CCDC171: variants seen among roughly 807,000 people sequenced by gnomAD.
The protein encoded by CCDC171 is coiled-coil domain containing 171.
CCDC171 carries 177 observed loss-of-function variants against 168.2 expected under a neutral mutation model. The ratio of observed to expected loss-of-function variants is 1.05; its 90% CI spans 0.93 to 1.19. CCDC171 has a LOEUF of 1.19. Among genes scored for constraint, CCDC171 ranks in the 50% most tolerant of loss-of-function variants. CCDC171 has a pLI of 0.00. For synonymous variants in CCDC171, 687 were observed against 540.8 expected (o/e 1.27, Z -3.75); for missense variants, 1,991 against 1,539.0 (o/e 1.29, Z -4.91).
At chr9:15,732,422 C>A (rs1396706) in intron 16 of CCDC171, among the ~76,000 whole-genome samples, 69,129 of 151,818 alleles carry the variant, frequency 0.46, 16,067 homozygotes, top group Non-Finnish European at 0.5. Context: ...TTGTTCAGCA[C>A]TTTCCTAGCT....
intron 16 of CCDC171, among the ~76,000 whole-genome samples, chr9:15,743,804 T>C (rs2134628990): frequency 6.6e-6 from 1 of 152,312 alleles, no homozygotes; most frequent in African/African-American, 2.4e-5. Flanking sequence ...TGCTATTTGT[T>C]ATATCATTGA....
intron 6 of CCDC171, among the ~76,000 whole-genome samples, chr9:15,601,876 C>T (rs1047363234): frequency 2.0e-5 from 3 of 152,116 alleles, no homozygotes; most frequent in Non-Finnish European, 4.4e-5. Context: ...ATTCAAAGGC[C>T]TGTGTATAAA....
intron 25 of CCDC171, among the ~76,000 whole-genome samples, chr9:15,963,020 A>G (rs1830490743): frequency 6.6e-6 from 1 of 152,052 alleles, no homozygotes; most frequent in South Asian, 2.1e-4. Context: ...GTTGTATTAT[A>G]TGGTTGTCAT....
At chr9:15,946,469 T>C (rs990066553) in intron 25 of CCDC171, among the ~76,000 whole-genome samples, 1 of 151,960 alleles carries the variant, frequency 6.6e-6, no homozygotes, top group Non-Finnish European at 1.5e-5. Flanking sequence ...ACAAGGGACG[T>C]GAAGGACCTC....
rs567233668 is a variant in CCDC171, at chr9:15,683,824, G to A, written c.1215+4928G>A. Among the ~76,000 whole-genome samples, 15 of 152,206 alleles carry A rather than the reference G, an allele frequency of 9.9e-5. 1 individual carries two copies. Among genetic ancestry groups the A allele is most frequent in the Middle Eastern group, 6.8e-3 (2 of 294 alleles). ...AGACAGAGAGCAAGAGATTGCGAGA[G>A]AGATGTTTATATGTTAAGGCCCATG... is the stretch of plus-strand genomic sequence containing the variant. On this transcript the variant is annotated intron_variant, in intron 10 of 25. Transcript: ENST00000380701.
At chr9:16,026,266 G>T (rs558702539) in intron 6 of CCDC171, among the ~76,000 whole-genome samples, 2 of 152,246 alleles carry the variant, frequency 1.3e-5, no homozygotes, top group Admixed American at 1.3e-4. Context: ...ACGTGGTGTT[G>T]GATAGACAGG....
intron 6 of CCDC171, among the ~76,000 whole-genome samples, chr9:15,617,054 C>G (rs923248646): frequency 7.0e-4 from 107 of 152,288 alleles, no homozygotes; most frequent in African/African-American, 2.2e-3. Flanking sequence ...TTATGTTCCT[C>G]TCTATACTGG....
At chr9:15,875,466 C>T (rs1164320568) in intron 24 of CCDC171, 1 of 151,678 alleles carries the variant, frequency 6.6e-6, no homozygotes, top group Non-Finnish European at 1.5e-5. Flanking sequence ...CCAAAACCTT[C>T]ATTAAAAAAA....
chr9:16,057,144 A>G (rs551225847), intron 1 of CCDC171, among the ~76,000 whole-genome samples: 2 of 152,282 alleles, frequency 1.3e-5, no homozygotes, highest in South Asian at 4.1e-4. Context: ...ATATGTCTTG[A>G]TCTTTACACA....
chr9:15,600,505 G>T (rs551673984), intron 6 of CCDC171, among the ~76,000 whole-genome samples: 78 of 152,240 alleles, frequency 5.1e-4, no homozygotes, highest in Non-Finnish European at 6.0e-4. Context: ...AAGTTTTGTC[G>T]CAGAGGAGTA....
At chr9:15,994,725 C>T (rs565301171) in intron 3 of CCDC171, among the ~76,000 whole-genome samples, 4 of 152,308 alleles carry the variant, frequency 2.6e-5, no homozygotes, top group African/African-American at 4.8e-5. Flanking sequence ...GTGTTAACAA[C>T]GTCATCTCAG....
intron 10 of CCDC171, 98 bp from the exon 11 acceptor site, chr9:15,695,137 C>A (rs1392520195): frequency 6.8e-6 from 5 of 738,722 alleles, no homozygotes; most frequent in Non-Finnish European, 1.2e-5. Context: ...TGAATGGAAT[C>A]ATTATCTTGT....
chr9:15,572,640 G>A (rs1295768418), intron 3 of CCDC171, among the ~76,000 whole-genome samples: 1 of 152,072 alleles, frequency 6.6e-6, no homozygotes, highest in Non-Finnish European at 1.5e-5. Context: ...TTCTCATGTT[G>A]GGAAACCTTT....
chr9:15,800,033 T>A (rs1319838948), intron 21 of CCDC171, among the ~76,000 whole-genome samples: 2 of 152,150 alleles, frequency 1.3e-5, no homozygotes, highest in Non-Finnish European at 2.9e-5. Flanking sequence ...CCACTTAGGT[T>A]GCTTCCAAAT....
chr9:15,809,295 C>A (rs1423553758), intron 21 of CCDC171, among the ~76,000 whole-genome samples: 1 of 151,988 alleles, frequency 6.6e-6, no homozygotes, highest in African/African-American at 2.4e-5. Flanking sequence ...CAGCACTGTC[C>A]AATATGGTAA....
chr9:15,902,299 T>C (rs1411234371), intron 24 of CCDC171, among the ~76,000 whole-genome samples: 1 of 149,044 alleles, frequency 6.7e-6, no homozygotes, highest in African/African-American at 2.5e-5. Context: ...CACACACACA[T>C]AAAAATTTCA....
intron 23 of CCDC171, among the ~76,000 whole-genome samples, chr9:15,867,198 A>C (rs962300595): frequency 6.6e-6 from 1 of 152,084 alleles, no homozygotes; most frequent in African/African-American, 2.4e-5. Context: ...GGAATGGAAT[A>C]GTGTCAAACA....
intron 11 of CCDC171, among the ~76,000 whole-genome samples, chr9:15,706,566 G>A (rs1004218467): frequency 1.1e-4 from 17 of 152,274 alleles, no homozygotes; most frequent in African/African-American, 4.1e-4. Flanking sequence ...GCGATTATAG[G>A]TGTAAGCTAC....
rs1006279570 is a variant in CCDC171 at position 15,973,060 on chromosome 9, C to G, written c.*1224C>G. 1 of 152,116 alleles carries G rather than the reference C, an allele frequency of 6.6e-6. No homozygotes were observed. Among genetic ancestry groups the G allele is most frequent in the Non-Finnish European group, 1.5e-5 (1 of 68,018 alleles). 9.4% of individuals were successfully genotyped at this position (152,116 alleles called of 1,614,324 possible). A position where few individuals can be genotyped will look rare whatever the true frequency, so the allele number is the denominator to read the frequency against. ...TCGCCTTCAGAAGATCAGACATTGA[C>G]ATTGATTAAACTCTTTAACCCTTAA... On this transcript the variant is annotated 3_prime_UTR_variant, in exon 26 of 26. Transcript: ENST00000380701.
Sources: gnomAD v4.1 joint callset for allele counts (sites outside exome capture counted in the v4.1 genomes callset) on GRCh38, gnomAD v4.1.1 for gene constraint, MANE v1.5 for transcripts, NCBI Gene and HGNC (gene_info 2026-07-23, HGNC 2026-07-21) for gene names.